Variants in MARCHF1 observed in about 807,000 individuals in gnomAD.
MARCHF1 encodes membrane associated ring-CH-type finger 1.
A neutral mutation model predicts 54.2 loss-of-function variants in MARCHF1; 40 were observed. The observed-to-expected ratio is 0.74, with a 90% CI of 0.57 to 0.96. The LOEUF (loss-of-function observed/expected upper bound fraction) is 0.96, where lower values mean the gene tolerates loss of function less well. MARCHF1 is among the 40% of genes least tolerant of loss of function. The pLI, the probability that MARCHF1 is intolerant of heterozygous loss-of-function variation, is 0.00. For missense variants in MARCHF1, 586 were observed against 656.5 expected (o/e 0.89, Z 1.17); for synonymous variants, 236 against 236.3 (o/e 1.00, Z 0.01).
intron 1 of MARCHF1, among the ~76,000 whole-genome samples, chr4:164,198,186 G>A (rs1278622771): frequency 1.3e-5 from 2 of 152,130 alleles, no homozygotes; most frequent in African/African-American, 4.8e-5. Flanking sequence ...CCCCTCAAAT[G>A]AAAGAATAAA....
intron 1 of MARCHF1, among the ~76,000 whole-genome samples, chr4:164,372,698 TAATA>T (rs770410305): frequency 7.9e-5 from 12 of 152,128 alleles, no homozygotes; most frequent in Middle Eastern, 3.2e-3. Context: ...TTTCATAAAC[TAATA>T]ATTATACAAT....
intron 4 of MARCHF1, among the ~76,000 whole-genome samples, chr4:163,789,974 C>G (rs1248588902): frequency 6.6e-6 from 1 of 151,970 alleles, no homozygotes; most frequent in Non-Finnish European, 1.5e-5. Context: ...TTAAAGTGTT[C>G]TCAGAGCACC....
chr4:163,801,542 T>C (rs549680032), intron 4 of MARCHF1, among the ~76,000 whole-genome samples: 2 of 152,268 alleles, frequency 1.3e-5, no homozygotes, highest in Admixed American at 1.3e-4. Flanking sequence ...TTTATTAAGG[T>C]ATATCATAAC....
chr4:164,134,712 A>G (rs1411312592), intron 1 of MARCHF1, among the ~76,000 whole-genome samples: 1 of 152,150 alleles, frequency 6.6e-6, no homozygotes, highest in Non-Finnish European at 1.5e-5. Flanking sequence ...CTGGTATAAA[A>G]GAGAGAATTA....
intron 4 of MARCHF1, among the ~76,000 whole-genome samples, chr4:163,807,794 T>C (rs1369531933): frequency 8.1e-6 from 1 of 123,254 alleles, no homozygotes; most frequent in African/African-American, 2.7e-5. Context: ...TAATTCTGAG[T>C]AGTGAAATCA....
intron 1 of MARCHF1, among the ~76,000 whole-genome samples, chr4:164,120,192 T>G (rs988887464): frequency 2.6e-5 from 4 of 151,998 alleles, no homozygotes; most frequent in Admixed American, 2.0e-4. Flanking sequence ...GTCGCTACAC[T>G]TAGACAAAAC....
intron 3 of MARCHF1, among the ~76,000 whole-genome samples, chr4:163,865,801 C>T (rs998397762): frequency 7.3e-5 from 11 of 151,254 alleles, no homozygotes; most frequent in African/African-American, 2.7e-4. Flanking sequence ...AAATACTTGC[C>T]TGAATGTCTA....
rs113976492 is a variant in MARCHF1, at chr4:163,759,259, A to G, written c.112-58396T>C. On this transcript the variant is annotated intron_variant, in intron 4 of 9. Transcript: ENST00000514618. ...TCAGAAGCCATGTGACTCTTTTGGA[A>G]GTCAATAACATAATACACACATACC... Among the ~76,000 whole-genome samples, 452 of 152,202 alleles carry G rather than the reference A, an allele frequency of 3.0e-3. 3 individuals are homozygous for G. Among genetic ancestry groups the G allele is most frequent in the Non-Finnish European group, 5.1e-3 (348 of 68,010 alleles).
chr4:163,732,397 C>A (rs1386506153), intron 4 of MARCHF1, among the ~76,000 whole-genome samples: 1 of 151,936 alleles, frequency 6.6e-6, no homozygotes, highest in Admixed American at 6.6e-5. Flanking sequence ...GAACTAGAGG[C>A]TAACTCTAAG....
intron 3 of MARCHF1, among the ~76,000 whole-genome samples, chr4:163,873,431 C>A (rs1272526199): frequency 6.6e-6 from 1 of 152,214 alleles, no homozygotes; most frequent in East Asian, 1.9e-4. Flanking sequence ...GCTGTTGCCT[C>A]ATTTCCTAAT....
chr4:163,931,230 T>A (rs936530414), intron 3 of MARCHF1, among the ~76,000 whole-genome samples: 7 of 152,150 alleles, frequency 4.6e-5, no homozygotes, highest in African/African-American at 1.7e-4. Context: ...TTTCTGTTGT[T>A]TAAGTCACCC....
intron 2 of MARCHF1, among the ~76,000 whole-genome samples, chr4:164,071,935 AT>A (rs1226838686): frequency 6.6e-6 from 1 of 151,980 alleles, no homozygotes; most frequent in Non-Finnish European, 1.5e-5. Context: ...TTTTTAATGA[AT>A]TTTTTAGTGC....
intron 4 of MARCHF1, among the ~76,000 whole-genome samples, chr4:163,742,437 T>C (rs944818502): frequency 2.0e-5 from 3 of 148,412 alleles, no homozygotes; most frequent in African/African-American, 5.0e-5. Flanking sequence ...CTTCCTTTTC[T>C]TTCTTTTCTC....
intron 5 of MARCHF1, among the ~76,000 whole-genome samples, chr4:163,625,385 A>C (rs1466606305): frequency 6.6e-6 from 1 of 152,236 alleles, no homozygotes; most frequent in Non-Finnish European, 1.5e-5. Flanking sequence ...CACTTTGAGA[A>C]AAAAAGGCCA....
chr4:164,273,285 G>A (rs947386040), intron 1 of MARCHF1, among the ~76,000 whole-genome samples: 3 of 151,988 alleles, frequency 2.0e-5, no homozygotes, highest in East Asian at 3.9e-4. Flanking sequence ...CGAGCAAAGG[G>A]GAAATAATCC....
chr4:164,172,774 G>A (rs191709742), intron 1 of MARCHF1, among the ~76,000 whole-genome samples: 210 of 152,194 alleles, frequency 1.4e-3, no homozygotes, highest in Non-Finnish European at 2.5e-3. Context: ...TCAGGAGACC[G>A]AGACCATCCT....
At chr4:164,175,521 A>G (rs569795149) in intron 1 of MARCHF1, among the ~76,000 whole-genome samples, 1 of 152,312 alleles carries the variant, frequency 6.6e-6, no homozygotes, top group Admixed American at 6.5e-5. Context: ...CATGGTACTC[A>G]GTTGTTCCGT....
chr4:164,010,748 C>G (rs1442506686), intron 2 of MARCHF1, among the ~76,000 whole-genome samples: 3 of 151,964 alleles, frequency 2.0e-5, no homozygotes, highest in African/African-American at 7.2e-5. Flanking sequence ...TTATCATTCA[C>G]AGAAATAGAA....
intron 1 of MARCHF1, chr4:164,188,416 G>T (rs1731033462): frequency 3.6e-6 from 2 of 556,388 alleles, no homozygotes; most frequent in South Asian, 3.9e-5. Flanking sequence ...CGATGCTGCT[G>T]CTACTCGGTG....
Sources: gnomAD v4.1 joint callset for allele counts (sites outside exome capture counted in the v4.1 genomes callset) on GRCh38, gnomAD v4.1.1 for gene constraint, MANE v1.5 for transcripts, NCBI Gene and HGNC (gene_info 2026-07-23, HGNC 2026-07-21) for gene names.